The following TENM3 variants were observed in gnomAD, a reference collection of about 807,000 sequenced individuals.
The protein encoded by TENM3 is teneurin transmembrane protein 3.
Under a neutral mutation model 255.1 loss-of-function variants are expected in TENM3, and 63 were observed. That is an observed-to-expected ratio of 0.25 (90% CI 0.20 to 0.30). The LOEUF (loss-of-function observed/expected upper bound fraction) is 0.30. Among genes scored for constraint, TENM3 ranks in the 10% least tolerant of loss-of-function variants. The probability of loss-of-function intolerance (pLI) is 1.00; values close to 1 mark genes in which losing one functional copy is unlikely to be tolerated. For synonymous variants in TENM3, 1,306 were observed against 1,322.3 expected, an observed-to-expected ratio of 0.99 and a Z score of 0.27; for missense variants, 2,929 against 3,461.1, an observed-to-expected ratio of 0.85 and a Z score of 3.86.
the TENM3 span, among the ~76,000 whole-genome samples, chr4:182,024,821 C>T: frequency 2.0e-5 from 3 of 152,052 alleles, no homozygotes; most frequent in African/African-American, 7.2e-5. Context: ...TCCCCACCTC[C>T]CCCTGACCCA....
At chr4:181,597,876 A>G in the TENM3 span, among the ~76,000 whole-genome samples, 1 of 152,190 alleles carries the variant, frequency 6.6e-6, no homozygotes, top group South Asian at 2.1e-4. Context: ...ATGTTCTGGA[A>G]GGTTTTATTT....
At chr4:181,664,018 C>G in the TENM3 span, among the ~76,000 whole-genome samples, 2 of 152,158 alleles carry the variant, frequency 1.3e-5, no homozygotes, top group African/African-American at 2.4e-5. Context: ...CATGATCATT[C>G]AGGCAGGTAG....
At chr4:182,564,549 T>C (rs938510528) in intron 3 of TENM3, among the ~76,000 whole-genome samples, 32 of 150,776 alleles carry the variant, frequency 2.1e-4, no homozygotes, top group Non-Finnish European at 2.7e-4. Context: ...TCTTGGTGTT[T>C]TCGTTTGTTT....
the TENM3 span, among the ~76,000 whole-genome samples, chr4:181,921,165 C>T: frequency 0.019 from 2,946 of 152,122 alleles, 45 homozygotes; most frequent in Non-Finnish European, 0.031. Context: ...AGTCAGGTAG[C>T]GTGATGCCTC....
the TENM3 span, among the ~76,000 whole-genome samples, chr4:181,492,544 C>T: frequency 7.7e-4 from 117 of 152,320 alleles, 1 homozygote; most frequent in African/African-American, 2.6e-3. Context: ...ATTAACATAA[C>T]GGTGCTTCTT....
rs568435140 is a variant in TENM3 at position 182,203,171 on chromosome 4, C to A, written c.-76+58417C>A. 3.3e-5 allele frequency among the ~76,000 whole-genome samples: 5 copies of A among 151,332 alleles called. No homozygotes were observed. In the East Asian group the frequency reaches 9.8e-4, roughly 30 times the overall value. ...GGTGGAGGTTGCAGTGAGCCGAGAT[C>A]GTGCCATTGCACTCCAGCCTGGGCA... On this transcript the variant is annotated intron_variant, in intron 1 of 2. Coordinates refer to the TENM3 transcript ENST00000512480.
chr4:182,453,414 A>G (rs1386239015), intron 3 of TENM3, among the ~76,000 whole-genome samples: 1 of 152,190 alleles, frequency 6.6e-6, no homozygotes, highest in Admixed American at 6.5e-5. Flanking sequence ...ACGACATACT[A>G]TAGTATTTAA....
chr4:181,896,558 G>T, the TENM3 span, among the ~76,000 whole-genome samples: 4 of 152,262 alleles, frequency 2.6e-5, no homozygotes, highest in East Asian at 7.7e-4. Flanking sequence ...TCAAAGCCAG[G>T]TGGGAAAATA....
intron 3 of TENM3, among the ~76,000 whole-genome samples, chr4:182,490,650 T>G (rs1009307673): frequency 1.2e-4 from 18 of 152,136 alleles, no homozygotes; most frequent in African/African-American, 4.3e-4. Flanking sequence ...GTTATCTATG[T>G]TAGTTGTGCG....
At chr4:181,743,259 C>G in the TENM3 span, among the ~76,000 whole-genome samples, 1 of 152,162 alleles carries the variant, frequency 6.6e-6, no homozygotes, top group Admixed American at 6.5e-5. Flanking sequence ...ACACTGACTT[C>G]CACAATGGTT....
chr4:181,683,644 T>G, the TENM3 span, among the ~76,000 whole-genome samples: 2 of 152,150 alleles, frequency 1.3e-5, no homozygotes, highest in Non-Finnish European at 2.9e-5. Flanking sequence ...AGATGAGATG[T>G]GTCAGACGAA....
the TENM3 span, among the ~76,000 whole-genome samples, chr4:181,951,036 T>C: frequency 3.3e-5 from 5 of 152,170 alleles, no homozygotes; most frequent in Admixed American, 3.3e-4. Flanking sequence ...AGCAAGATCA[T>C]ATCTCAGAAA....
At position 182,736,891 on chromosome 4, in the gene TENM3, TC is replaced by T; in HGVS notation, c.3052del (p.Leu1018SerfsTer5). The T allele has an allele frequency of 6.2e-7, 1 of 1,613,830 alleles. No individual in the cohort carries two copies. The highest frequency in any genetic ancestry group is 8.5e-7 in the Non-Finnish European group (1 of 1,179,782). On this transcript the variant is annotated frameshift_variant, in exon 17 of 28. Coordinates refer to ENST00000511685, the MANE Select transcript of TENM3 (RefSeq NM_001080477.4). LOFTEE classifies it high-confidence loss of function. ...SSRAAGYKSV[L>X]KITMTQSIIP... is the part of the protein sequence containing the mutation. The stretch of plus-strand genomic sequence containing the variant: ...CCAGAGCTGCAGGGTATAAGTCAGT[TC>T]TCAAGATCACCATGACCCAGTCTAT...
the TENM3 span, among the ~76,000 whole-genome samples, chr4:181,661,641 A>T: frequency 6.6e-6 from 1 of 152,134 alleles, no homozygotes; most frequent in Non-Finnish European, 1.5e-5. Context: ...CTATCATTAA[A>T]ATTCAGAAAA....
chr4:182,568,650 A>G (rs889172847), intron 3 of TENM3, among the ~76,000 whole-genome samples: 2 of 152,232 alleles, frequency 1.3e-5, no homozygotes, highest in Admixed American at 1.3e-4. Context: ...GTACTCTTCA[A>G]TATTTATCAA....
At chr4:181,769,707 T>A in the TENM3 span, among the ~76,000 whole-genome samples, 1 of 152,106 alleles carries the variant, frequency 6.6e-6, no homozygotes, top group Non-Finnish European at 1.5e-5. Context: ...ATTTGTGGAA[T>A]TTTTTTGCCC....
At chr4:181,932,213 T>C in the TENM3 span, among the ~76,000 whole-genome samples, 21 of 152,144 alleles carry the variant, frequency 1.4e-4, no homozygotes, top group South Asian at 3.3e-3. Context: ...AAAGAAACTA[T>C]CATCAGAGTG....
the TENM3 span, among the ~76,000 whole-genome samples, chr4:181,676,780 A>G: frequency 6.6e-6 from 1 of 152,176 alleles, no homozygotes; most frequent in Admixed American, 6.6e-5. Context: ...ACACTCCTCA[A>G]CACACCCTGT....
intron 4 of TENM3, among the ~76,000 whole-genome samples, chr4:182,608,700 C>A (rs1008028414): frequency 6.6e-6 from 1 of 152,134 alleles, no homozygotes; most frequent in African/African-American, 2.4e-5. Context: ...TGGGGGTGGC[C>A]GCTCAGGTCA....
Sources: gnomAD v4.1 joint callset for allele counts (sites outside exome capture counted in the v4.1 genomes callset) on GRCh38, gnomAD v4.1.1 for gene constraint, MANE v1.5 for transcripts, NCBI Gene and HGNC (gene_info 2026-07-23, HGNC 2026-07-21) for gene names.